SERINC2: variants seen among roughly 807,000 people sequenced by gnomAD.
SERINC2 encodes the protein serine incorporator 2, also known as tumor differentially expressed protein 2.
In SERINC2, 56 loss-of-function variants were observed where a neutral mutation model predicts 54.2. That is an observed-to-expected ratio of 1.03 (90% CI 0.83 to 1.29). The LOEUF (loss-of-function observed/expected upper bound fraction) is 1.29, where lower values mean the gene tolerates loss of function less well. Ranked by LOEUF, SERINC2 falls within the 50% of genes most tolerant of loss-of-function variation. The pLI, the probability that SERINC2 is intolerant of heterozygous loss-of-function variation, is 0.00. For synonymous variants in SERINC2, 272 were observed against 253.1 expected, an observed-to-expected ratio of 1.07 and a Z score of -0.71; for missense variants, 614 against 607.4, an observed-to-expected ratio of 1.01 and a Z score of -0.12.
chr1:31,426,024 C>T lies in SERINC2; in HGVS notation c.610+111C>T, dbSNP rs782066513. ...AGATAAAACTGGGGGGCATCCCTAG[C>T]AGCCACTGCCTTAGGTCAAGATTCC... On this transcript the variant is annotated intron_variant, in intron 5 of 9. Coordinates refer to ENST00000373709, the MANE Select transcript of SERINC2 (RefSeq NM_178865.5). 2.2e-5 allele frequency: 25 copies of T among 1,128,654 alleles called. No individual in the cohort carries two copies. In the African/African-American group the frequency reaches 3.4e-4, roughly 15 times the overall value. 69.9% of individuals were successfully genotyped at this position (1,128,654 alleles called of 1,614,324 possible). A position where few individuals can be genotyped will look rare whatever the true frequency, so the allele number is the denominator to read the frequency against.
At chr1:31,425,001 C>T in intron 3 of SERINC2, 128 bp downstream of exon 3, 1 of 716,820 alleles carries the variant, frequency 1.4e-6, no homozygotes, top group Non-Finnish European at 2.3e-6. Context: ...GCATGGAGAA[C>T]AGCTCTGAGT....
intron 5 of SERINC2, 127 bp downstream of exon 5, chr1:31,426,040 T>A: frequency 1.0e-6 from 1 of 994,684 alleles, no homozygotes; most frequent in Non-Finnish European, 1.5e-6. Context: ...CTGCCTTAGG[T>A]CAAGATTCCA....
chr1:31,432,169 G>A (rs894878972), intron 8 of SERINC2, among the ~76,000 whole-genome samples: 8 of 144,960 alleles, frequency 5.5e-5, no homozygotes, highest in Non-Finnish European at 7.7e-5. Context: ...GGTGGATAGG[G>A]TGGATAGGGT....
At chr1:31,425,438 G>T (rs369005169) in intron 4 of SERINC2, 29 bp downstream of exon 4, 5 of 1,502,546 alleles carry the variant, frequency 3.3e-6, no homozygotes, top group Non-Finnish European at 4.6e-6. Context: ...AGGCATGGGG[G>T]GCTGTGGGGA....
At chr1:31,432,695 G>T (rs75308387) in intron 8 of SERINC2, among the ~76,000 whole-genome samples, 3 of 152,034 alleles carry the variant, frequency 2.0e-5, no homozygotes, top group African/African-American at 7.2e-5. Context: ...TCATTATTCC[G>T]TCTAGTCCCC....
chr1:31,418,405 C>T (rs116802027), intron 1 of SERINC2, among the ~76,000 whole-genome samples: 3,481 of 152,062 alleles, frequency 0.023, 122 homozygotes, highest in African/African-American at 0.079. Context: ...GAGACGAACT[C>T]ATGCTCTGTC....
upstream of SERINC2, chr1:31,410,105 A>G (rs545275088): frequency 7.7e-7 from 1 of 1,299,928 alleles, no homozygotes. Context: ...TTTACATAGC[A>G]TTGGGTGGAG....
upstream of SERINC2, chr1:31,410,358 GT>G: frequency 6.5e-7 from 1 of 1,548,456 alleles, no homozygotes; most frequent in Non-Finnish European, 8.7e-7. Context: ...GATAGCTGGG[GT>G]AAAAAAACTT....
chr1:31,412,620 G>A (rs186400074), upstream of SERINC2, among the ~76,000 whole-genome samples: 6 of 152,304 alleles, frequency 3.9e-5, no homozygotes, highest in East Asian at 9.6e-4. Context: ...AGTGAGCTAT[G>A]TTTGCACCAC....
chr1:31,431,911 GA>G (rs1641244759), intron 8 of SERINC2, among the ~76,000 whole-genome samples: 2 of 147,506 alleles, frequency 1.4e-5, no homozygotes, highest in East Asian at 2.0e-4. Context: ...GGATAGGGTG[GA>G]TAGGGTGGTT....
At chr1:31,421,405 C>A (rs886831035) in intron 1 of SERINC2, among the ~76,000 whole-genome samples, 6 of 152,188 alleles carry the variant, frequency 3.9e-5, no homozygotes, top group African/African-American at 1.4e-4. Flanking sequence ...CAAGGACAGC[C>A]ATGGATAGGA....
In SERINC2 at chr1:31,413,911, G is replaced by A; in HGVS notation, c.39+607G>A. The A allele has an allele frequency of 1.4e-6, 2 of 1,472,864 alleles. No homozygotes were observed. Among genetic ancestry groups the A allele is most frequent in the Non-Finnish European group, 1.8e-6 (2 of 1,119,860 alleles). The allele number at this position is 1,472,864 out of a possible 1,614,324, so 91.2% of individuals were successfully genotyped here. A position where few individuals can be genotyped will look rare whatever the true frequency, so the allele number is the denominator to read the frequency against. Reference sequence around the variant, plus strand: ...TGCCCGTCCGCCCGTCCGTCCCTCAGTCTCTCTGCGGTCCCTTTACCGTCC... The same window carrying A: ...TGCCCGTCCGCCCGTCCGTCCCTCAATCTCTCTGCGGTCCCTTTACCGTCC... On this transcript the variant is annotated intron_variant, in intron 1 of 9. Transcript: ENST00000373709. The surrounding 1 kb of genome is among the most constrained non-coding windows in gnomAD (Gnocchi z 5.0).
upstream of SERINC2, among the ~76,000 whole-genome samples, chr1:31,411,103 G>A (rs1229774677): frequency 6.6e-6 from 1 of 152,194 alleles, no homozygotes; most frequent in Admixed American, 6.5e-5. Context: ...GCCCTGTACT[G>A]TGCTCTGGGT....
At chr1:31,422,835 G>A (rs1214406129) in intron 1 of SERINC2, among the ~76,000 whole-genome samples, 1 of 152,134 alleles carries the variant, frequency 6.6e-6, no homozygotes, top group Non-Finnish European at 1.5e-5. Flanking sequence ...ACCAGCCCCT[G>A]AATGATTTCA....
Position 31,424,706 on chromosome 1 carries a change from G to C in SERINC2, c.225G>C (p.Gly75=). ...LYKLPWVCEE[G]AGIPTVLQGH... is the part of the protein sequence containing the mutation. ...AGCTGCCCTGGGTGTGTGAGGAGGG[G>C]GCCGGGATCCCCACCGTCCTGCAGG... The change falls in exon 3 of 10, where the codon GGG becomes GGC. Residue 75 remains glycine (G), a synonymous_variant. Coordinates refer to ENST00000373709, the MANE Select transcript of SERINC2 (RefSeq NM_178865.5). 6.2e-7 allele frequency: 1 copy of C among 1,603,282 alleles called. No individual in the cohort carries two copies. Among genetic ancestry groups the C allele is most frequent in the Non-Finnish European group, 8.5e-7 (1 of 1,175,176 alleles).
At chr1:31,425,681 A>G (rs1641021729) in intron 4 of SERINC2, 95 bp from the exon 5 acceptor site, 19 of 1,440,178 alleles carry the variant, frequency 1.3e-5, no homozygotes, top group Non-Finnish European at 1.8e-5. Flanking sequence ...TGTTCTTCTC[A>G]GTGTCCCCGG....
chr1:31,419,975 C>T (rs919805591), intron 1 of SERINC2, among the ~76,000 whole-genome samples: 1 of 151,974 alleles, frequency 6.6e-6, no homozygotes, highest in African/African-American at 2.4e-5. Context: ...TACCACTGCA[C>T]TCTAGCTTGG....
intron 1 of SERINC2, chr1:31,414,448 T>TGTGTGTGTGTGTG (rs1640730106): frequency 1.0e-6 from 1 of 983,802 alleles, no homozygotes; most frequent in South Asian, 4.6e-5. Context: ...TGTGTGTGTG[T>TGTGTGTGTGTGTG]GTGTGTGAGA....
Position 31,413,932 on chromosome 1 carries a change from C to T in SERINC2, c.39+628C>T, listed in dbSNP as rs982545464. 4 of 1,519,406 alleles carry T rather than the reference C, an allele frequency of 2.6e-6. No individual in the cohort carries two copies. In the East Asian group the frequency reaches 1.0e-4, roughly 40 times the overall value. The allele number at this position is 1,519,406 out of a possible 1,614,324, so 94.1% of individuals were successfully genotyped here. ...CTCAGTCTCTCTGCGGTCCCTTTACCGTCCTCAGTCTGGCTCGCGCTGCCT... is the reference window on the plus strand; with the variant it reads ...CTCAGTCTCTCTGCGGTCCCTTTACTGTCCTCAGTCTGGCTCGCGCTGCCT... On this transcript the variant is annotated intron_variant, in intron 1 of 9. Transcript: ENST00000373709. The surrounding 1 kb of genome is among the most constrained non-coding windows in gnomAD (Gnocchi z 5.0).
Sources: allele counts gnomAD v4.1 joint callset (sites outside exome capture counted in the v4.1 genomes callset), GRCh38; gene constraint gnomAD v4.1.1; non-coding constraint Gnocchi (gnomAD v3.1); transcripts MANE v1.5; gene names NCBI Gene and HGNC (gene_info 2026-07-23, HGNC 2026-07-21).